The following PSD3 variants were observed in gnomAD, a reference collection of about 807,000 sequenced individuals.
The protein encoded by PSD3 is PH and SEC7 domain-containing protein 3.
In PSD3, 49 loss-of-function variants were observed where a neutral mutation model predicts 105.5. The ratio of observed to expected loss-of-function variants is 0.46; its 90% confidence interval spans 0.37 to 0.59. The LOEUF (loss-of-function observed/expected upper bound fraction) is 0.59, where lower values mean the gene tolerates loss of function less well. Ranked by LOEUF, PSD3 falls within the 20% of genes least tolerant of loss-of-function variation. PSD3 has a pLI of 0.00. For missense variants in PSD3, 1,561 were observed against 1,263.8 expected, an observed-to-expected ratio of 1.24 and a Z score of -3.57; for synonymous variants, 557 against 457.8, an observed-to-expected ratio of 1.22 and a Z score of -2.77.
chr8:18,536,986 C>G (rs1252076814), intron 15 of PSD3, among the ~76,000 whole-genome samples: 3 of 152,212 alleles, frequency 2.0e-5, no homozygotes, highest in African/African-American at 4.8e-5. Context: ...TCTGTTTTGA[C>G]TATACATCCG....
At chr8:18,734,375 C>A (rs1414998820) in intron 9 of PSD3, 1 of 152,106 alleles carries the variant, frequency 6.6e-6, no homozygotes. Context: ...TGATTCTGAT[C>A]TTTAATACAG....
At chr8:18,633,681 T>C (rs1443502367) in intron 10 of PSD3, among the ~76,000 whole-genome samples, 1 of 152,154 alleles carries the variant, frequency 6.6e-6, no homozygotes, top group Non-Finnish European at 1.5e-5. Context: ...TCTAGGTTAA[T>C]TCCATGATTT....
At chr8:18,662,628 C>T (rs1212634020) in intron 9 of PSD3, among the ~76,000 whole-genome samples, 1 of 152,176 alleles carries the variant, frequency 6.6e-6, no homozygotes, top group Non-Finnish European at 1.5e-5. Context: ...TCTTTACATG[C>T]AATAGGAGAG....
At chr8:18,658,030 G>C (rs1037057123) in intron 9 of PSD3, among the ~76,000 whole-genome samples, 9 of 152,136 alleles carry the variant, frequency 5.9e-5, no homozygotes, top group Non-Finnish European at 1.0e-4. Flanking sequence ...AAAAATTCTT[G>C]CTATTCAATC....
At chr8:18,810,520 T>C (rs1031144316) in intron 4 of PSD3, among the ~76,000 whole-genome samples, 2 of 152,172 alleles carry the variant, frequency 1.3e-5, no homozygotes, top group Non-Finnish European at 2.9e-5. Context: ...ATACAGGCAA[T>C]AGTATACTTT....
chr8:18,821,698 C>CAT (rs1326625322), intron 4 of PSD3, among the ~76,000 whole-genome samples: 1 of 135,760 alleles, frequency 7.4e-6, no homozygotes, highest in Non-Finnish European at 1.6e-5. Context: ...CACACACACA[C>CAT]ACACACACAC....
rs113848970 is a variant in PSD3, at chr8:18,555,101, A to G, written c.2928+1108T>C. On this transcript the variant is annotated intron_variant, in intron 15 of 15. Coordinates refer to ENST00000327040, the MANE Select transcript of PSD3 (RefSeq NM_015310.4). Reference sequence around the variant, plus strand: ...ATCGGGGAAGCTGTAGGCAGCTGTCAAGCAGAGGAATGCCGTCATCTGGGT... The same window carrying G: ...ATCGGGGAAGCTGTAGGCAGCTGTCGAGCAGAGGAATGCCGTCATCTGGGT... Among the ~76,000 whole-genome samples the G allele has an allele frequency of 2.3e-3, 349 of 152,180 alleles. 2 individuals carry two copies. Among genetic ancestry groups the G allele is most frequent in the African/African-American group, 7.9e-3 (329 of 41,510 alleles).
chr8:18,560,482 C>T (rs536814812), intron 14 of PSD3, among the ~76,000 whole-genome samples: 19 of 151,818 alleles, frequency 1.3e-4, no homozygotes, highest in African/African-American at 4.6e-4. Context: ...TTACATTTGA[C>T]AAAGAAAAGG....
In PSD3 at chr8:18,809,221, G is replaced by C. The variant is rs564288284; in HGVS notation, c.1635-4323C>G. On this transcript the variant is annotated intron_variant, in intron 4 of 15. Coordinates refer to ENST00000327040, the MANE Select transcript of PSD3 (RefSeq NM_015310.4). ...TTGTTTTATTTTCCCTCTTTTTCTT[G>C]ATCAAATCACTTTACAGCCTAGTAA... is the stretch of plus-strand genomic sequence containing the variant. 8.6e-5 allele frequency among the ~76,000 whole-genome samples: 13 copies of C among 152,022 alleles called. No homozygotes were observed. In the East Asian group the frequency reaches 9.7e-4, roughly 11 times the overall value.
intron 9 of PSD3, among the ~76,000 whole-genome samples, chr8:18,712,223 C>A (rs1802297831): frequency 6.6e-6 from 1 of 151,680 alleles, no homozygotes; most frequent in African/African-American, 2.4e-5. Flanking sequence ...AACTAGAGAA[C>A]CAAGAGCAAA....
intron 8 of PSD3, among the ~76,000 whole-genome samples, chr8:18,767,362 G>A (rs768999496): frequency 6.6e-6 from 1 of 152,214 alleles, no homozygotes; most frequent in Non-Finnish European, 1.5e-5. Context: ...TCTGTTACGA[G>A]TGCAGGAGAG....
intron 1 of PSD3, among the ~76,000 whole-genome samples, chr8:19,080,414 A>T (rs1829605348): frequency 6.6e-6 from 1 of 152,254 alleles, no homozygotes; most frequent in Non-Finnish European, 1.5e-5. Context: ...TCTACCCAAA[A>T]GGTAATGTAC....
intron 1 of PSD3, among the ~76,000 whole-genome samples, chr8:18,962,638 C>T (rs1454035971): frequency 6.6e-6 from 1 of 152,234 alleles, no homozygotes; most frequent in Non-Finnish European, 1.5e-5. Context: ...CCCTCCACAG[C>T]ATCCTGCCCA....
intron 10 of PSD3, among the ~76,000 whole-genome samples, chr8:18,647,474 G>T (rs908042018): frequency 2.6e-5 from 4 of 152,194 alleles, no homozygotes; most frequent in Non-Finnish European, 2.9e-5. Context: ...ACGATGCAAA[G>T]TTGTAAAATG....
chr8:19,006,611 T>C (rs147484677), intron 1 of PSD3, among the ~76,000 whole-genome samples: 1 of 152,188 alleles, frequency 6.6e-6, no homozygotes, highest in East Asian at 1.9e-4. Context: ...CTGTCTACCT[T>C]CCAGACTTGT....
intron 8 of PSD3, among the ~76,000 whole-genome samples, chr8:18,795,878 T>C (rs149890518): frequency 6.2e-4 from 95 of 152,312 alleles, no homozygotes; most frequent in Non-Finnish European, 9.3e-4. Flanking sequence ...TTGTTGATAG[T>C]TGAAACAATA....
chr8:19,073,001 G>A (rs1829323298), intron 1 of PSD3, among the ~76,000 whole-genome samples: 1 of 152,162 alleles, frequency 6.6e-6, no homozygotes, highest in Admixed American at 6.5e-5. Context: ...TGGTCCAGTA[G>A]TACGAGGATT....
chr8:18,689,101 G>C (rs1431960828), intron 9 of PSD3, among the ~76,000 whole-genome samples: 4 of 152,172 alleles, frequency 2.6e-5, no homozygotes, highest in African/African-American at 9.7e-5. Flanking sequence ...ATGGTCATCA[G>C]AAAAACTCAA....
rs1001706772 is a variant in PSD3, at chr8:18,713,189, G to A, written c.2172+52260C>T. Among the ~76,000 whole-genome samples the A allele has an allele frequency of 2.6e-5, 4 of 152,090 alleles. No homozygotes were observed. In the East Asian group the frequency reaches 5.8e-4, roughly 22 times the overall value. On this transcript the variant is annotated intron_variant, in intron 9 of 15. Transcript: ENST00000327040. ...CCACAGCCAGTATCATACTGAATGG[G>A]CAAAAGCAGGAAGCACACCCCTTGA...
Sources: gnomAD v4.1 joint callset for allele counts (sites outside exome capture counted in the v4.1 genomes callset) on GRCh38, gnomAD v4.1.1 for gene constraint, MANE v1.5 for transcripts, NCBI Gene and HGNC (gene_info 2026-07-23, HGNC 2026-07-21) for gene names.